The following MYH15 variants were observed in gnomAD, a reference collection of about 807,000 sequenced individuals.
MYH15 encodes myosin-15.
MYH15 carries 227 observed loss-of-function variants against 240.5 expected under a neutral mutation model. The ratio of observed to expected loss-of-function variants is 0.94; its 90% CI spans 0.85 to 1.05. MYH15 has a LOEUF of 1.05. Among genes scored for constraint, MYH15 ranks in the 50% least tolerant of loss-of-function variants. MYH15 has a pLI of 0.00. For synonymous variants in MYH15, 785 were observed against 796.7 expected (o/e 0.99, Z 0.25); for missense variants, 2,217 against 2,247.5 (o/e 0.99, Z 0.27).
chr3:108,461,048 A>G (rs2083067688), intron 16 of MYH15, among the ~76,000 whole-genome samples: 1 of 152,208 alleles, frequency 6.6e-6, no homozygotes, highest in African/African-American at 2.4e-5. Flanking sequence ...TTGAAGAAAA[A>G]GAACCTGTGC....
chr3:108,407,441 G>T (rs552914394), intron 32 of MYH15, among the ~76,000 whole-genome samples: 1 of 152,256 alleles, frequency 6.6e-6, no homozygotes, highest in South Asian at 2.1e-4. Context: ...CTGAGAAGAG[G>T]CTGCACAGGG....
chr3:108,507,226 AATATAT>A (rs147101810), intron 1 of MYH15, among the ~76,000 whole-genome samples: 1,258 of 97,980 alleles, frequency 0.013, 17 homozygotes, highest in Non-Finnish European at 0.015. Context: ...AAGGAAAATG[AATATAT>A]ATATATATAT....
intron 30 of MYH15, among the ~76,000 whole-genome samples, chr3:108,411,186 T>C (rs550083481): frequency 6.6e-6 from 1 of 152,312 alleles, no homozygotes; most frequent in Admixed American, 6.5e-5. Flanking sequence ...TCAGAATCTC[T>C]TTGAATTCCT....
intron 23 of MYH15, 94 bp downstream of exon 23, chr3:108,440,924 T>C: frequency 6.8e-7 from 1 of 1,474,754 alleles, no homozygotes; most frequent in East Asian, 2.3e-5. Context: ...ACTGTGTTAA[T>C]TAACTTGAAT....
intron 12 of MYH15, among the ~76,000 whole-genome samples, chr3:108,474,586 A>T (rs1165675605): frequency 6.6e-6 from 1 of 152,030 alleles, no homozygotes; most frequent in East Asian, 1.9e-4. Context: ...TGATCAAATC[A>T]GGGTTATCAG....
At chr3:108,399,040 A>G in intron 34 of MYH15, 35 bp downstream of exon 34, 1 of 1,587,792 alleles carries the variant, frequency 6.3e-7, no homozygotes, top group South Asian at 1.1e-5. Context: ...AACATTTTCC[A>G]CCCCTCCCTA....
At position 108,470,843 on chromosome 3, in the gene MYH15, G is replaced by T. The variant is rs747495477; in HGVS notation, c.1238C>A (p.Thr413Asn). 6.2e-7 allele frequency: 1 copy of T among 1,613,002 alleles called. No homozygotes were observed. The highest frequency in any genetic ancestry group is 1.1e-5 in the South Asian group (1 of 90,944). ...CTTGGACAGGGCACCGACAGCACAGGTTACCTAGAAATCACATTGAAAACA... is the reference window on the plus strand; with the variant it reads ...CTTGGACAGGGCACCGACAGCACAGTTTACCTAGAAATCACATTGAAAACA... Reference protein sequence around the residue: ...VTRGQTIEQVTCAVGALSKSM... With the variant: ...VTRGQTIEQVNCAVGALSKSM... The change falls in exon 13 of 41, where the codon ACC becomes AAC. Residue 413 changes from threonine to asparagine, a missense_variant. Transcript: ENST00000693548.
chr3:108,449,371 A>G (rs925977186), intron 21 of MYH15, among the ~76,000 whole-genome samples: 2 of 152,130 alleles, frequency 1.3e-5, no homozygotes, highest in Non-Finnish European at 2.9e-5. Flanking sequence ...ACAGCATGGT[A>G]TTAGCATAAA....
intron 36 of MYH15, among the ~76,000 whole-genome samples, chr3:108,392,955 T>C (rs1370921174): frequency 6.6e-6 from 1 of 152,208 alleles, no homozygotes; most frequent in East Asian, 1.9e-4. Context: ...ATATCCGCCT[T>C]GATACAAAAG....
In MYH15 at chr3:108,428,615, A is replaced by G; in HGVS notation, c.3579T>C (p.Ala1193=). ...SLKKRHADSL[A]ELEGQVENLQ... ...GATTTTCTACCTGGCCCTCGAGCTC[A>G]GCCAGGCTGTCTGCATGTCTCTTCT... The change falls in exon 27 of 41, where the codon GCT becomes GCC. Residue 1193 remains alanine (A), a synonymous_variant. Coordinates refer to ENST00000693548, the MANE Select transcript of MYH15 (RefSeq NM_014981.3). The G allele has an allele frequency of 6.2e-7, 1 of 1,613,434 alleles. No homozygotes were observed. The highest frequency in any genetic ancestry group is 8.5e-7 in the Non-Finnish European group (1 of 1,179,976).
intron 11 of MYH15, among the ~76,000 whole-genome samples, chr3:108,481,815 C>A (rs1189287722): frequency 2.0e-5 from 3 of 152,008 alleles, no homozygotes; most frequent in Non-Finnish European, 4.4e-5. Flanking sequence ...ATGACAAAAA[C>A]CAAAATTACA....
chr3:108,477,781 G>T (rs1448005001), intron 11 of MYH15, among the ~76,000 whole-genome samples: 1 of 152,026 alleles, frequency 6.6e-6, no homozygotes, highest in Non-Finnish European at 1.5e-5. Context: ...CCACAAAATT[G>T]TTTTATGAAA....
At chr3:108,400,944 T>C (rs1181085544) in intron 33 of MYH15, among the ~76,000 whole-genome samples, 2 of 152,030 alleles carry the variant, frequency 1.3e-5, no homozygotes, top group Non-Finnish European at 2.9e-5. Flanking sequence ...TCAGAAGCAA[T>C]TATGGAAATG....
At chr3:108,492,283 T>C (rs1346293892) in intron 9 of MYH15, among the ~76,000 whole-genome samples, 1 of 152,006 alleles carries the variant, frequency 6.6e-6, no homozygotes, top group African/African-American at 2.4e-5. Context: ...TTCTTTTTGC[T>C]ACCAAATTGA....
intron 32 of MYH15, among the ~76,000 whole-genome samples, chr3:108,407,379 A>C (rs974906179): frequency 6.6e-6 from 1 of 152,132 alleles, no homozygotes; most frequent in South Asian, 2.1e-4. Context: ...GCTGTATTTT[A>C]ATGTGTCTGA....
intron 28 of MYH15, among the ~76,000 whole-genome samples, chr3:108,418,379 G>A (rs965705058): frequency 2.6e-5 from 4 of 152,140 alleles, no homozygotes; most frequent in African/African-American, 4.8e-5. Context: ...TTAAAAAACC[G>A]TGAGTACATA....
chr3:108,522,143 C>A, intron 1 of MYH15, among the ~76,000 whole-genome samples: 1 of 151,812 alleles, frequency 6.6e-6, no homozygotes, highest in African/African-American at 2.4e-5. Flanking sequence ...ACTCGGAGGG[C>A]AGGTGGTGGG....
At chr3:108,510,845 A>G (rs984364286), upstream of MYH15, among the ~76,000 whole-genome samples, 3 of 152,166 alleles carry the variant, frequency 2.0e-5, no homozygotes, top group Non-Finnish European at 4.4e-5. Flanking sequence ...GGCCCATGAA[A>G]ATGTTTAATT....
chr3:108,508,763 G>A (rs760637146), intron 1 of MYH15, among the ~76,000 whole-genome samples: 2 of 151,952 alleles, frequency 1.3e-5, no homozygotes, highest in African/African-American at 2.4e-5. Context: ...TAAATAGATC[G>A]CTTACATGTT....
Sources: gnomAD v4.1 joint callset for allele counts (sites outside exome capture counted in the v4.1 genomes callset) on GRCh38, gnomAD v4.1.1 for gene constraint, MANE v1.5 for transcripts, NCBI Gene and HGNC (gene_info 2026-07-23, HGNC 2026-07-21) for gene names.